Variants in MAP2 observed in about 807,000 individuals in gnomAD.
MAP2 encodes the protein microtubule associated protein 2.
Under a neutral mutation model 137.6 loss-of-function variants are expected in MAP2, and 14 were observed. The ratio of observed to expected loss-of-function variants is 0.10; its 90% CI spans 0.07 to 0.16. The LOEUF is 0.16. Among genes scored for constraint, MAP2 ranks in the 10% least tolerant of loss-of-function variants. The pLI, the probability that MAP2 is intolerant of heterozygous loss-of-function variation, is 1.00. For missense variants in MAP2, 2,088 were observed against 2,191.5 expected (o/e 0.95, Z 0.94); for synonymous variants, 786 against 782.3 (o/e 1.00, Z -0.08).
Position 209,731,142 on chromosome 2 carries a change from T to C in MAP2, c.*745T>C, listed in dbSNP as rs2075722192. ...CCACACTACCAGTTTCACACCCCCT[T>C]TCCATCTGTTTGATACAGTATTATA... On this transcript the variant is annotated 3_prime_UTR_variant, in exon 16 of 16. Transcript: ENST00000682079. The C allele has an allele frequency of 1.3e-5, 2 of 152,584 alleles. No individual in the cohort carries two copies. Among genetic ancestry groups the C allele is most frequent in the African/African-American group, 4.8e-5 (2 of 41,426 alleles). 9.5% of individuals were successfully genotyped at this position (152,584 alleles called of 1,614,324 possible).
At chr2:209,479,401 A>G (rs1708182115) in intron 1 of MAP2, among the ~76,000 whole-genome samples, 1 of 152,122 alleles carries the variant, frequency 6.6e-6, no homozygotes, top group Non-Finnish European at 1.5e-5. Context: ...TATTAATGCA[A>G]TTATATTTTG....
At chr2:209,683,350 GA>G (rs2055583244) in intron 7 of MAP2, among the ~76,000 whole-genome samples, 1 of 152,128 alleles carries the variant, frequency 6.6e-6, no homozygotes, top group African/African-American at 2.4e-5. Flanking sequence ...TGAACTATCT[GA>G]AGTTCTGATT....
chr2:209,467,030 T>C (rs1704302451), intron 1 of MAP2, among the ~76,000 whole-genome samples: 1 of 152,168 alleles, frequency 6.6e-6, no homozygotes, highest in Non-Finnish European at 1.5e-5. Context: ...CCACACATTC[T>C]CCTTCTTGCC....
intron 2 of MAP2, among the ~76,000 whole-genome samples, chr2:209,511,578 A>AT (rs989839037): frequency 1.3e-5 from 2 of 151,748 alleles, no homozygotes; most frequent in East Asian, 1.9e-4. Context: ...ATTTCCTATG[A>AT]TTTTTTTTGA....
chr2:209,602,724 G>T (rs1383234754), intron 3 of MAP2, among the ~76,000 whole-genome samples: 1 of 152,180 alleles, frequency 6.6e-6, no homozygotes, highest in Non-Finnish European at 1.5e-5. Context: ...AACGCTAGCG[G>T]ATTCTGAGCA....
Position 209,710,003 on chromosome 2 carries a change from A to C in MAP2, c.4822A>C (p.Ser1608Arg), listed in dbSNP as rs1381725548. Residue 1608 changes from serine (S) to arginine (R), a missense_variant, in exon 13 of 16, where the codon AGT becomes CGT. Around this residue, in one of 6 missense-constraint regions of MAP2, gnomAD observed 591 missense variants for 642.6 expected, o/e 0.92. Coordinates refer to ENST00000682079, the MANE Select transcript of MAP2 (RefSeq NM_001375505.1). ...STAITPGTPP[S>R]YSSRTPGTPG... ...TGCCATCACTCCTGGCACCCCACCA[A>C]GTTATTCTTCACGCACACCAGGCAC... The C allele has an allele frequency of 1.2e-6, 2 of 1,613,958 alleles. No homozygotes were observed. Among genetic ancestry groups the C allele is most frequent in the Non-Finnish European group, 8.5e-7 (1 of 1,179,980 alleles).
chr2:209,564,124 GA>G (rs35305939), intron 2 of MAP2, among the ~76,000 whole-genome samples: 10,931 of 152,068 alleles, frequency 0.072, 940 homozygotes, highest in South Asian at 0.23. Flanking sequence ...CGCAGCTAAT[GA>G]AAAAGGGATA....
intron 4 of MAP2, among the ~76,000 whole-genome samples, chr2:209,650,863 G>A (rs1022604787): frequency 7.2e-5 from 11 of 152,080 alleles, no homozygotes; most frequent in Non-Finnish European, 1.3e-4. Context: ...TGTTATTTAC[G>A]TGAAACTTTT....
At chr2:209,703,421 G>A (rs989878610) in intron 11 of MAP2, among the ~76,000 whole-genome samples, 25 of 151,942 alleles carry the variant, frequency 1.6e-4, no homozygotes, top group Non-Finnish European at 2.9e-4. Context: ...GTTTATTAAA[G>A]GAATAATTCC....
At chr2:209,545,864 G>A (rs993122790) in intron 2 of MAP2, among the ~76,000 whole-genome samples, 1 of 152,138 alleles carries the variant, frequency 6.6e-6, no homozygotes, top group African/African-American at 2.4e-5. Flanking sequence ...TTTTTGGCCG[G>A]GCATGGTGGC....
chr2:209,721,057 T>C (rs1046687900), intron 13 of MAP2, among the ~76,000 whole-genome samples: 19 of 152,298 alleles, frequency 1.2e-4, no homozygotes, highest in African/African-American at 4.3e-4. Flanking sequence ...GAATGAACTC[T>C]AAGATGCTAA....
intron 7 of MAP2, among the ~76,000 whole-genome samples, chr2:209,681,935 A>T (rs2054759429): frequency 6.6e-6 from 1 of 152,032 alleles, no homozygotes; most frequent in Non-Finnish European, 1.5e-5. Flanking sequence ...TTCTTTCTTA[A>T]ATTGAAGCTT....
chr2:209,606,758 A>G (rs969471826), intron 3 of MAP2, among the ~76,000 whole-genome samples: 2 of 152,180 alleles, frequency 1.3e-5, no homozygotes, highest in African/African-American at 2.4e-5. Flanking sequence ...TTGATTTTGC[A>G]TATATGAGCC....
At chr2:209,652,425 T>C (rs1210873919) in intron 4 of MAP2, among the ~76,000 whole-genome samples, 1 of 152,172 alleles carries the variant, frequency 6.6e-6, no homozygotes. Flanking sequence ...AGTCTATAGA[T>C]AGGGTCCAGG....
intron 1 of MAP2, among the ~76,000 whole-genome samples, chr2:209,432,480 G>A (rs35216876): frequency 0.14 from 20,728 of 152,130 alleles, 3,479 homozygotes; most frequent in African/African-American, 0.4. Context: ...TGAAAGCCAC[G>A]AAAGGCATCT....
At chr2:209,477,961 G>T (rs572469219) in intron 1 of MAP2, among the ~76,000 whole-genome samples, 1 of 152,176 alleles carries the variant, frequency 6.6e-6, no homozygotes, top group Admixed American at 6.5e-5. Context: ...CTGTGATAGG[G>T]CTACTGCACT....
At chr2:209,440,032 T>C (rs1193855692) in intron 1 of MAP2, among the ~76,000 whole-genome samples, 1 of 151,578 alleles carries the variant, frequency 6.6e-6, no homozygotes, top group African/African-American at 2.4e-5. Flanking sequence ...ACATAATTTT[T>C]ATGGAATAGT....
At position 209,727,970 on chromosome 2, in the gene MAP2, A is replaced by C. The variant is rs188053416; in HGVS notation, c.5156-1880A>C. On this transcript the variant is annotated intron_variant, in intron 14 of 15. Coordinates refer to ENST00000682079, the MANE Select transcript of MAP2 (RefSeq NM_001375505.1). ...TAGTGAGAGTCCATCTCTACAAAAAAATTAAGAATAAAAATAAGCTGAGTG... is the reference window on the plus strand; with the variant it reads ...TAGTGAGAGTCCATCTCTACAAAAACATTAAGAATAAAAATAAGCTGAGTG... 5.0e-3 allele frequency among the ~76,000 whole-genome samples: 756 copies of C among 152,210 alleles called. 5 individuals carry two copies. The highest frequency in any genetic ancestry group is 6.5e-3 in the Non-Finnish European group (441 of 68,008).
chr2:209,656,644 C>A (rs2095167842), intron 5 of MAP2, among the ~76,000 whole-genome samples: 1 of 151,998 alleles, frequency 6.6e-6, no homozygotes, highest in African/African-American at 2.4e-5. Context: ...CTAAAGTGTG[C>A]TTTTTGGAAG....
Sources: gnomAD v4.1 joint callset for allele counts (sites outside exome capture counted in the v4.1 genomes callset) on GRCh38, gnomAD v4.1.1 for gene constraint, gnomAD v4.1.1 regional missense constraint, MANE v1.5 for transcripts, NCBI Gene and HGNC (gene_info 2026-07-23, HGNC 2026-07-21) for gene names.